Variants in SYT14 observed in about 807,000 individuals in gnomAD.
SYT14 encodes the protein synaptotagmin 14, also known as synaptotagmin-14.
Under a neutral mutation model 74.2 loss-of-function variants are expected in SYT14, and 32 were observed. The ratio of observed to expected loss-of-function variants is 0.43; its 90% CI spans 0.33 to 0.58. SYT14 has a LOEUF of 0.58. Ranked by LOEUF, SYT14 falls within the 20% of genes least tolerant of loss-of-function variation. The pLI, the probability that SYT14 is intolerant of heterozygous loss-of-function variation, is 0.05. For synonymous variants in SYT14, 298 were observed against 337.7 expected, an observed-to-expected ratio of 0.88 and a Z score of 1.29; for missense variants, 791 against 981.8, an observed-to-expected ratio of 0.81 and a Z score of 2.60.
At chr1:210,006,752 C>A (rs2079994975) in intron 2 of SYT14, among the ~76,000 whole-genome samples, 3 of 151,574 alleles carry the variant, frequency 2.0e-5, no homozygotes, top group Admixed American at 1.3e-4. Context: ...ATAGAATAGT[C>A]TTACAAAATT....
chr1:210,061,041 A>C (rs1253825532), intron 5 of SYT14, among the ~76,000 whole-genome samples: 1 of 152,028 alleles, frequency 6.6e-6, no homozygotes, highest in Non-Finnish European at 1.5e-5. Flanking sequence ...CTCTGTCTTC[A>C]CTGAAAGGAC....
At chr1:209,953,086 A>G in intron 2 of SYT14, 2 of 1,321,576 alleles carry the variant, frequency 1.5e-6, no homozygotes, top group Non-Finnish European at 9.9e-7. Flanking sequence ...CTGATCTCCC[A>G]TTGACTTCTG....
chr1:210,112,770 A>T lies in SYT14; in HGVS notation c.2034+12309A>T, dbSNP rs185217855. On this transcript the variant is annotated intron_variant, in intron 7 of 9. Coordinates refer to ENST00000637265, the Ensembl canonical transcript of SYT14. ...CATTAATGATGGAGGACCCTTGCGT[A>T]GTGAGGAAACTTCTTTTTGCCTATA... is the stretch of plus-strand genomic sequence containing the variant. 1.1e-3 allele frequency among the ~76,000 whole-genome samples: 171 copies of T among 151,450 alleles called. 11 individuals carry two copies. Among genetic ancestry groups the T allele is most frequent in the African/African-American group, 4.2e-3 (169 of 40,722 alleles).
intron 2 of SYT14, among the ~76,000 whole-genome samples, chr1:209,995,309 GA>G (rs1464267495): frequency 3.3e-5 from 5 of 151,634 alleles, no homozygotes; most frequent in African/African-American, 9.7e-5. Context: ...TATGCAAACA[GA>G]AACCAAAAAA....
At position 210,161,152 on chromosome 1, in the gene SYT14, A is replaced by C. The variant is rs532930804; in HGVS notation, c.*110A>C. On this transcript the variant is annotated 3_prime_UTR_variant, in exon 10 of 10. Transcript: ENST00000637265. ...AGCTGTTCTTTGAAGAATCATATTCAACCTTCTACCAAAATGCTTTAAGTT... is the reference window on the plus strand; with the variant it reads ...AGCTGTTCTTTGAAGAATCATATTCCACCTTCTACCAAAATGCTTTAAGTT... 8.3e-6 allele frequency: 10 copies of C among 1,211,084 alleles called. No individual in the cohort carries two copies. The African/African-American group carries it at 1.2e-4, about 14-fold the overall frequency. 75.0% of individuals were successfully genotyped at this position (1,211,084 alleles called of 1,614,324 possible). A position where few individuals can be genotyped will look rare whatever the true frequency, so the allele number is the denominator to read the frequency against.
At chr1:210,074,984 A>G (rs1467240746) in intron 5 of SYT14, among the ~76,000 whole-genome samples, 3 of 152,216 alleles carry the variant, frequency 2.0e-5, no homozygotes, top group Non-Finnish European at 4.4e-5. Context: ...GTGTACTGGA[A>G]GAATCAGATT....
chr1:210,018,026 A>C (rs1225871534), intron 4 of SYT14, among the ~76,000 whole-genome samples: 5 of 152,230 alleles, frequency 3.3e-5, no homozygotes, highest in Non-Finnish European at 4.4e-5. Context: ...CTATTATATG[A>C]GTGGTTTTAC....
At chr1:209,938,906 C>T (rs1277026158) in intron 1 of SYT14, among the ~76,000 whole-genome samples, 2 of 152,122 alleles carry the variant, frequency 1.3e-5, no homozygotes, top group Non-Finnish European at 2.9e-5. Context: ...ACACTCAAAA[C>T]TGTTTTTCTC....
chr1:209,938,242 G>C, exon 1 of SYT14: 2 of 1,550,236 alleles, frequency 1.3e-6, no homozygotes, highest in Non-Finnish European at 1.7e-6. Flanking sequence ...CATCCAGTTG[G>C]TGCGGTCCAT....
intron 5 of SYT14, among the ~76,000 whole-genome samples, chr1:210,066,993 TATAAG>T (rs2081308420): frequency 6.6e-6 from 1 of 152,096 alleles, no homozygotes; most frequent in Non-Finnish European, 1.5e-5. Context: ...CTATATATAG[TATAAG>T]ATAAGGGTCT....
chr1:210,114,860 G>T (rs549521690), intron 7 of SYT14, among the ~76,000 whole-genome samples: 1 of 150,902 alleles, frequency 6.6e-6, no homozygotes, highest in Non-Finnish European at 1.5e-5. Context: ...GACCTGGCTC[G>T]GCCTAGCAAG....
intron 2 of SYT14, among the ~76,000 whole-genome samples, chr1:209,976,306 T>C (rs1431016581): frequency 7.0e-6 from 1 of 143,736 alleles, no homozygotes; most frequent in Non-Finnish European, 1.5e-5. Flanking sequence ...AGGGTGTCAA[T>C]TTTGGATCTT....
At chr1:210,163,147 T>C (rs963850757) in exon 10 of SYT14, 7 of 453,490 alleles carry the variant, frequency 1.5e-5, no homozygotes, top group African/African-American at 1.0e-4. Context: ...TAAAAAGAGT[T>C]ATCAGTCTTA....
At chr1:210,115,642 A>G (rs549602992) in intron 7 of SYT14, among the ~76,000 whole-genome samples, 97 of 151,346 alleles carry the variant, frequency 6.4e-4, no homozygotes, top group Non-Finnish European at 1.2e-3. Context: ...TTGAAAGGAG[A>G]AAGAGGTTGA....
intron 7 of SYT14, among the ~76,000 whole-genome samples, chr1:210,141,952 CT>C (rs2082923431): frequency 6.6e-6 from 1 of 152,178 alleles, no homozygotes; most frequent in Non-Finnish European, 1.5e-5. Flanking sequence ...AGATTTTGCT[CT>C]TATTTTTTCA....
rs181262954 is a variant in SYT14, at chr1:209,990,082, G to A, written c.-485-23551G>A. On this transcript the variant is annotated intron_variant, in intron 2 of 9. Transcript: ENST00000637265. Reference sequence around the variant, plus strand: ...TCCTGTTTGCTATCTTTTACTTCTGGTTCCTTCAAACTGGACCCAATATGT... The same window carrying A: ...TCCTGTTTGCTATCTTTTACTTCTGATTCCTTCAAACTGGACCCAATATGT... Among the ~76,000 whole-genome samples the A allele has an allele frequency of 7.2e-5, 11 of 152,028 alleles. No homozygotes were observed. The East Asian group carries it at 2.1e-3, about 29-fold the overall frequency.
At chr1:210,149,538 T>C (rs1007598666) in intron 7 of SYT14, among the ~76,000 whole-genome samples, 1 of 152,192 alleles carries the variant, frequency 6.6e-6, no homozygotes, top group African/African-American at 2.4e-5. Context: ...GGTCAAACGC[T>C]GATAAAATAT....
At chr1:210,010,293 T>TA (rs2080062988) in intron 2 of SYT14, among the ~76,000 whole-genome samples, 1 of 152,202 alleles carries the variant, frequency 6.6e-6, no homozygotes, top group African/African-American at 2.4e-5. Context: ...TGAATACACA[T>TA]ACATTCATTC....
intron 7 of SYT14, among the ~76,000 whole-genome samples, chr1:210,126,511 T>C (rs182932545): frequency 6.6e-6 from 1 of 152,328 alleles, no homozygotes; most frequent in East Asian, 1.9e-4. Context: ...TGAAAGGGGG[T>C]TAAATTTGTC....
Sources: allele counts gnomAD v4.1 joint callset (sites outside exome capture counted in the v4.1 genomes callset), GRCh38; gene constraint gnomAD v4.1.1; transcripts MANE v1.5; gene names NCBI Gene and HGNC (gene_info 2026-07-23, HGNC 2026-07-21).